Variants in SUMF1 observed in about 807,000 individuals in gnomAD.
SUMF1 encodes the protein sulfatase modifying factor 1, also known as formylglycine-generating enzyme.
A neutral mutation model predicts 47.6 loss-of-function variants in SUMF1; 48 were observed. The ratio of observed to expected loss-of-function variants is 1.01; its 90% CI spans 0.80 to 1.28. The LOEUF is 1.28. Among genes scored for constraint, SUMF1 ranks in the 50% most tolerant of loss-of-function variants. The probability of loss-of-function intolerance (pLI) is 0.00; values close to 1 mark genes in which losing one functional copy is unlikely to be tolerated. For missense variants in SUMF1, 571 were observed against 485.4 expected (o/e 1.18, Z -1.66); for synonymous variants, 230 against 192.1 (o/e 1.20, Z -1.63).
intron 8 of SUMF1, among the ~76,000 whole-genome samples, chr3:4,248,224 T>C (rs1438150258): frequency 6.6e-6 from 1 of 151,926 alleles, no homozygotes; most frequent in Admixed American, 6.6e-5. Context: ...AACAAAGGAG[T>C]CATTGCTCAA....
At chr3:4,247,025 T>C (rs1345031267) in intron 8 of SUMF1, among the ~76,000 whole-genome samples, 2 of 152,170 alleles carry the variant, frequency 1.3e-5, no homozygotes, top group Non-Finnish European at 2.9e-5. Context: ...TCAAGGCATA[T>C]GCATGAGGTG....
chr3:4,400,245 CA>C (rs1336204191), intron 7 of SUMF1, among the ~76,000 whole-genome samples: 1 of 152,194 alleles, frequency 6.6e-6, no homozygotes, highest in African/African-American at 2.4e-5. Flanking sequence ...TTCAAGCCCT[CA>C]CCCTGAAATT....
rs776278067 is a variant in SUMF1, at chr3:4,442,950, C to CA, written c.519+6315dup. On this transcript the variant is annotated intron_variant, in intron 3 of 8. Coordinates refer to ENST00000272902, the MANE Select transcript of SUMF1 (RefSeq NM_182760.4). ...ACAAATGCAGTCAGGAAGAAATGCT[C>CA]AAAAAAAAAAAAAAATCACAACATG... Among the ~76,000 whole-genome samples, 577 of 120,998 alleles carry CA rather than the reference C, an allele frequency of 4.8e-3. 4 individuals carry two copies. Among genetic ancestry groups the CA allele is most frequent in the East Asian group, 7.5e-3 (32 of 4,258 alleles). 79.4% of individuals were successfully genotyped at this position (120,998 alleles called of 152,430 possible).
At position 4,104,378 on chromosome 3, in the gene SUMF1, G is replaced by C. The variant is rs140738040; in HGVS notation, c.1015-35633C>G. ...TTTCTGTATAAATTACCCTGTCTCA[G>C]GTATATCTTTACCAGCAGCATGAAA... is the stretch of plus-strand genomic sequence containing the variant. On this transcript the variant is annotated intron_variant and NMD_transcript_variant, in intron 8 of 12. Coordinates refer to the SUMF1 transcript ENST00000448413. Among the ~76,000 whole-genome samples, 4 of 152,054 alleles carry C rather than the reference G, an allele frequency of 2.6e-5. No homozygotes were observed. The East Asian group carries it at 5.8e-4, about 22-fold the overall frequency.
intron 9 of SUMF1, among the ~76,000 whole-genome samples, chr3:4,047,608 T>C (rs540175974): frequency 1.3e-5 from 2 of 152,274 alleles, no homozygotes; most frequent in African/African-American, 2.4e-5. Context: ...TTGGATTACA[T>C]AGTTCCTTTG....
chr3:4,375,134 C>CAAAAAA (rs376228362), intron 8 of SUMF1, among the ~76,000 whole-genome samples: 4 of 73,232 alleles, frequency 5.5e-5, no homozygotes, highest in African/African-American at 2.0e-4. Flanking sequence ...GACTCTGTCT[C>CAAAAAA]AAAAAAAAAA....
chr3:4,089,155 C>T (rs1191410793), intron 8 of SUMF1, among the ~76,000 whole-genome samples: 1 of 152,066 alleles, frequency 6.6e-6, no homozygotes, highest in Non-Finnish European at 1.5e-5. Context: ...TGAAACTCCA[C>T]CCTTTTGCTC....
At chr3:4,191,813 T>C (rs1214867811) in intron 8 of SUMF1, among the ~76,000 whole-genome samples, 1 of 152,168 alleles carries the variant, frequency 6.6e-6, no homozygotes, top group Non-Finnish European at 1.5e-5. Context: ...TCAAGAATTC[T>C]GTAAAGGCTT....
rs144517675 is a variant in SUMF1, at chr3:4,181,145, T to C, written c.1015-112400A>G. ...AGTGTGCCATCAAGGGTGTCTCCCA[T>C]TGTGCTTCCTCATGATGGTGGTTCT... is the stretch of plus-strand genomic sequence containing the variant. On this transcript the variant is annotated intron_variant and NMD_transcript_variant, in intron 8 of 12. Transcript: ENST00000448413. Among the ~76,000 whole-genome samples the C allele has an allele frequency of 1.1e-3, 163 of 152,286 alleles. 1 individual carries two copies. Among genetic ancestry groups the C allele is most frequent in the Admixed American group, 6.1e-3 (93 of 15,298 alleles).
At chr3:4,134,294 AG>A in intron 8 of SUMF1, among the ~76,000 whole-genome samples, 1 of 152,180 alleles carries the variant, frequency 6.6e-6, no homozygotes, top group East Asian at 1.9e-4. Context: ...CAATCAAACT[AG>A]AACTCAGGAT....
chr3:4,176,185 G>A (rs535056646), intron 8 of SUMF1, among the ~76,000 whole-genome samples: 39 of 152,116 alleles, frequency 2.6e-4, no homozygotes, highest in Middle Eastern at 3.4e-3. Flanking sequence ...GAAATACAGA[G>A]AACACCACAA....
intron 8 of SUMF1, chr3:4,303,501 C>CG: frequency 6.9e-7 from 1 of 1,452,582 alleles, no homozygotes; most frequent in Non-Finnish European, 9.0e-7. Flanking sequence ...GCGTGGCCCC[C>CG]GGGGGCCGCG....
chr3:4,097,849 T>A (rs1692940807), intron 8 of SUMF1, among the ~76,000 whole-genome samples: 1 of 152,122 alleles, frequency 6.6e-6, no homozygotes, highest in Non-Finnish European at 1.5e-5. Flanking sequence ...TAGCTCCAGC[T>A]ATCCATCAGA....
intron 8 of SUMF1, among the ~76,000 whole-genome samples, chr3:4,255,496 C>T (rs1267105620): frequency 2.3e-5 from 2 of 88,664 alleles, no homozygotes; most frequent in East Asian, 4.8e-4. Context: ...TTTAAACCAA[C>T]AAAGATCAAA....
chr3:4,288,676 T>A (rs972806666), intron 8 of SUMF1, among the ~76,000 whole-genome samples: 32 of 152,028 alleles, frequency 2.1e-4, no homozygotes, highest in African/African-American at 7.0e-4. Flanking sequence ...CATGCACCTG[T>A]AATCCCAGCT....
At chr3:4,082,673 C>T (rs1207026095) in intron 8 of SUMF1, among the ~76,000 whole-genome samples, 1 of 151,944 alleles carries the variant, frequency 6.6e-6, no homozygotes, top group African/African-American at 2.4e-5. Context: ...TAATAAACAA[C>T]TCAATTACCC....
chr3:4,317,148 G>C (rs369080883), intron 8 of SUMF1: 1 of 1,548,282 alleles, frequency 6.5e-7, no homozygotes, highest in Non-Finnish European at 8.7e-7. Flanking sequence ...CCAAGAGTTC[G>C]TCGAATCCCA....
intron 8 of SUMF1, among the ~76,000 whole-genome samples, chr3:4,152,236 T>A (rs1273926398): frequency 1.3e-5 from 2 of 151,208 alleles, no homozygotes; most frequent in Non-Finnish European, 2.9e-5. Context: ...TAGGAAAGGG[T>A]TTATTCAAGA....
intron 7 of SUMF1, among the ~76,000 whole-genome samples, chr3:4,407,085 G>A (rs1701399660): frequency 6.7e-6 from 1 of 148,564 alleles, no homozygotes; most frequent in Non-Finnish European, 1.5e-5. Context: ...ACACACATGG[G>A]ACACACACAC....
Sources: gnomAD v4.1 joint callset for allele counts (sites outside exome capture counted in the v4.1 genomes callset) on GRCh38, gnomAD v4.1.1 for gene constraint, MANE v1.5 for transcripts, NCBI Gene and HGNC (gene_info 2026-07-23, HGNC 2026-07-21) for gene names.